Variants in RIOK1 observed in about 807,000 individuals in gnomAD.
The protein encoded by RIOK1 is serine/threonine-protein kinase RIO1.
Under a neutral mutation model 73.5 loss-of-function variants are expected in RIOK1, and 66 were observed. The ratio of observed to expected loss-of-function variants is 0.90; its 90% confidence interval spans 0.74 to 1.10. RIOK1 has a LOEUF of 1.10. Ranked by LOEUF, RIOK1 falls within the 50% of genes least tolerant of loss-of-function variation. The pLI, the probability that RIOK1 is intolerant of heterozygous loss-of-function variation, is 0.00. For synonymous variants in RIOK1, 224 were observed against 226.8 expected (o/e 0.99, Z 0.11); for missense variants, 658 against 699.8 (o/e 0.94, Z 0.67).
intron 4 of RIOK1, among the ~76,000 whole-genome samples, chr6:7,398,235 G>A (rs969512244): frequency 2.0e-5 from 3 of 152,078 alleles, no homozygotes; most frequent in Non-Finnish European, 4.4e-5. Flanking sequence ...ACTCTATGTG[G>A]AGGCTGGGGC....
chr6:7,406,693 AC>A (rs1761753556), intron 12 of RIOK1, among the ~76,000 whole-genome samples: 1 of 151,950 alleles, frequency 6.6e-6, no homozygotes, highest in African/African-American at 2.4e-5. Flanking sequence ...ACAGGGTCTC[AC>A]TCTGTCACCA....
intron 11 of RIOK1, 45 bp downstream of exon 11, chr6:7,405,066 T>C: frequency 6.6e-7 from 1 of 1,514,880 alleles, no homozygotes; most frequent in Non-Finnish European, 9.1e-7. Context: ...TGGTCTGTTT[T>C]GGTTTTGTAC....
intron 8 of RIOK1, 144 bp downstream of exon 8, chr6:7,403,041 A>G: frequency 1.7e-6 from 1 of 604,814 alleles, no homozygotes; most frequent in South Asian, 2.5e-5. Context: ...TGAAGTAAGC[A>G]GAAGAAACAC....
rs1397716548 is a variant in RIOK1 at position 7,417,901 on chromosome 6, GTTCAGCTGGCTGTTGATT to G, written c.*465_*482del. On this transcript the variant is annotated 3_prime_UTR_variant, in exon 17 of 17. Coordinates refer to ENST00000379834, the MANE Select transcript of RIOK1 (RefSeq NM_031480.3). Reference sequence around the variant, plus strand: ...TTATATAAAGGGAATTTCACCCACAGTTCAGCTGGCTGTTGATTTTCACTGCAACTCTGCCTTTGTGTG... The same window carrying G: ...TTATATAAAGGGAATTTCACCCACAGTTCACTGCAACTCTGCCTTTGTGTG... 3.3e-5 allele frequency: 5 copies of G among 152,356 alleles called. No individual in the cohort carries two copies. The highest frequency in any genetic ancestry group is 3.4e-3 in the Middle Eastern group (1 of 294). 9.4% of individuals were successfully genotyped at this position (152,356 alleles called of 1,614,324 possible).
At position 7,416,114 on chromosome 6, in the gene RIOK1, A is replaced by G. The variant is rs150981234; in HGVS notation, c.1597-1217A>G. The stretch of plus-strand genomic sequence containing the variant: ...ATAGAGACACTGCTGACTGAGTGCT[A>G]TGTGACTATTATTATTCCATCTTAG... On this transcript the variant is annotated intron_variant, in intron 16 of 16. Transcript: ENST00000379834. Among the ~76,000 whole-genome samples the G allele has an allele frequency of 9.8e-3, 1,493 of 152,286 alleles. 20 individuals carry two copies. Among genetic ancestry groups the G allele is most frequent in the Non-Finnish European group, 0.013 (879 of 68,020 alleles).
Position 7,414,263 on chromosome 6 carries a change from T to A in RIOK1, c.1469T>A (p.Val490Glu). Residue 490 changes from valine to glutamate, a missense_variant, in exon 16 of 17, where the codon GTG becomes GAG. Coordinates refer to ENST00000379834, the MANE Select transcript of RIOK1 (RefSeq NM_031480.3). ...GTCCCTGCACTCCTAGAAAATCAAG[T>A]GGAGGAAAGGACTTGTTCTGATTCA... ...QKVPALLENQ[V>E]EERTCSDSED... is the part of the protein sequence containing the mutation. 2 of 1,612,820 alleles carry A rather than the reference T, an allele frequency of 1.2e-6. No homozygotes were observed. Among genetic ancestry groups the A allele is most frequent in the Non-Finnish European group, 1.7e-6 (2 of 1,179,518 alleles).
At chr6:7,401,121 A>G (rs1761600292) in intron 6 of RIOK1, 71 bp downstream of exon 6, 2 of 960,100 alleles carry the variant, frequency 2.1e-6, no homozygotes, top group South Asian at 2.8e-5. Flanking sequence ...TGGCACTTAG[A>G]ACTACATTAT....
intron 12 of RIOK1, among the ~76,000 whole-genome samples, chr6:7,407,540 A>G (rs1361481146): frequency 6.6e-6 from 1 of 151,154 alleles, no homozygotes; most frequent in Non-Finnish European, 1.5e-5. Flanking sequence ...TCTGAAGTAC[A>G]GTGGTACAAT....
chr6:7,396,385 A>G (rs1235378305), intron 3 of RIOK1, among the ~76,000 whole-genome samples: 1 of 152,240 alleles, frequency 6.6e-6, no homozygotes, highest in African/African-American at 2.4e-5. Flanking sequence ...AGGCAGTTTT[A>G]TTAGTCATGT....
chr6:7,397,108 A>C (rs1561875129), intron 4 of RIOK1, among the ~76,000 whole-genome samples: 1 of 152,122 alleles, frequency 6.6e-6, no homozygotes, highest in Non-Finnish European at 1.5e-5. Flanking sequence ...TACAAAAAAT[A>C]CAAAAATTAG....
At position 7,404,969 on chromosome 6, in the gene RIOK1, C is replaced by T. The variant is rs374280006; in HGVS notation, c.1044C>T (p.His348=). 1.9e-4 allele frequency: 313 copies of T among 1,614,030 alleles called. 1 individual carries two copies. Among genetic ancestry groups the T allele is most frequent in the Non-Finnish European group, 2.5e-4 (298 of 1,180,012 alleles). Residue 348 remains histidine (H), a synonymous_variant, in exon 11 of 17, where the codon CAC becomes CAT. Transcript: ENST00000379834. ...TTGACGTGTCTCAGTCCGTGGAGCA[C>T]GACCACCCACATGCCTTGGAGTTCT... is the stretch of plus-strand genomic sequence containing the variant. ...YIIDVSQSVE[H]DHPHALEFLR... is the part of the protein sequence containing the mutation.
intron 1 of RIOK1, 80 bp downstream of exon 1, chr6:7,390,153 G>A: frequency 3.4e-6 from 4 of 1,171,700 alleles, no homozygotes; most frequent in Middle Eastern, 3.9e-4. Flanking sequence ...TCTTGTTTGC[G>A]GTTTAGAGGG....
At chr6:7,412,301 C>T (rs551213200) in intron 14 of RIOK1, among the ~76,000 whole-genome samples, 438 of 150,886 alleles carry the variant, frequency 2.9e-3, no homozygotes, top group Non-Finnish European at 4.3e-3. Flanking sequence ...GCGGAGGCTG[C>T]GGTGAGCTGA....
intron 6 of RIOK1, 140 bp downstream of exon 6, chr6:7,401,190 A>G: frequency 3.1e-6 from 2 of 653,410 alleles, no homozygotes; most frequent in Non-Finnish European, 5.3e-6. Flanking sequence ...TTAGAGAGGA[A>G]GTTGTACATA....
chr6:7,398,500 T>C (rs752063018), intron 4 of RIOK1, among the ~76,000 whole-genome samples, 198 bp from the exon 5 acceptor site: 37 of 152,208 alleles, frequency 2.4e-4, no homozygotes, highest in Admixed American at 5.2e-4. Context: ...TTTGCCAAAA[T>C]ACAGAATTGA....
intron 12 of RIOK1, 51 bp downstream of exon 12, chr6:7,405,406 A>T (rs149641588): frequency 1.9e-6 from 2 of 1,058,560 alleles, no homozygotes; most frequent in South Asian, 2.7e-5. Context: ...CAGGTGCAGT[A>T]TCTCTTATCT....
At position 7,415,246 on chromosome 6, in the gene RIOK1, C is replaced by G. The variant is rs148496276; in HGVS notation, c.1596+856C>G. 3.4e-3 allele frequency among the ~76,000 whole-genome samples: 517 copies of G among 152,120 alleles called. 2 individuals are homozygous for G. The highest frequency in any genetic ancestry group is 0.012 in the African/African-American group (484 of 41,492). On this transcript the variant is annotated intron_variant, in intron 16 of 16. Transcript: ENST00000379834. ...GACCAGTCTGGGCAATAGAGTGATA[C>G]CCCGTCTCTATTAAAACATTGGTGA...
chr6:7,404,957 G>A lies in RIOK1; in HGVS notation c.1032G>A (p.Gln344=), dbSNP rs1561878258. ...GCGTGTATATCATTGACGTGTCTCA[G>A]TCCGTGGAGCACGACCACCCACATG... ...GGGVYIIDVS[Q]SVEHDHPHAL... Residue 344 remains glutamine, a synonymous_variant, in exon 11 of 17, where the codon CAG becomes CAA. Transcript: ENST00000379834. 1 of 1,614,176 alleles carries A rather than the reference G, an allele frequency of 6.2e-7. No homozygotes were observed.
At chr6:7,394,939 A>C (rs1392288361) in intron 2 of RIOK1, 114 bp from the exon 3 acceptor site, 1 of 1,492,810 alleles carries the variant, frequency 6.7e-7, no homozygotes, top group African/African-American at 1.4e-5. Context: ...TTTCCTTAAG[A>C]TACTCCTCTA....
Sources: gnomAD v4.1 joint callset for allele counts (sites outside exome capture counted in the v4.1 genomes callset) on GRCh38, gnomAD v4.1.1 for gene constraint, MANE v1.5 for transcripts, NCBI Gene and HGNC (gene_info 2026-07-23, HGNC 2026-07-21) for gene names.